The following ICE1 variants were observed in gnomAD, a reference collection of about 807,000 sequenced individuals.
ICE1 encodes little elongation complex subunit 1.
Under a neutral mutation model 192.7 loss-of-function variants are expected in ICE1, and 64 were observed. That is an observed-to-expected ratio of 0.33 (90% CI 0.27 to 0.41). ICE1 has a LOEUF of 0.41. ICE1 is among the 10% of genes least tolerant of loss of function. ICE1 has a pLI of 1.00. For synonymous variants in ICE1, 1,010 were observed against 984.5 expected, an observed-to-expected ratio of 1.03 and a Z score of -0.49; for missense variants, 2,708 against 2,696.0, an observed-to-expected ratio of 1.00 and a Z score of -0.10.
At chr5:5,456,966 G>A (rs945490402) in intron 11 of ICE1, among the ~76,000 whole-genome samples, 1 of 152,074 alleles carries the variant, frequency 6.6e-6, no homozygotes, top group African/African-American at 2.4e-5. Flanking sequence ...CAACCTATAG[G>A]CACAAAGTTG....
intron 17 of ICE1, among the ~76,000 whole-genome samples, chr5:5,481,999 G>A (rs544592200): frequency 8.5e-5 from 13 of 152,136 alleles, no homozygotes; most frequent in Non-Finnish European, 1.8e-4. Flanking sequence ...CTGACTAAGC[G>A]ACCTGTGACT....
intron 17 of ICE1, among the ~76,000 whole-genome samples, chr5:5,484,015 TG>T (rs1442725890): frequency 1.3e-5 from 2 of 152,214 alleles, no homozygotes; most frequent in Non-Finnish European, 2.9e-5. Context: ...TCAGCTCTGC[TG>T]GGGCTCCCTT....
chr5:5,422,878 C>T lies in ICE1; in HGVS notation c.-38C>T, dbSNP rs1579528140. 4 of 1,329,530 alleles carry T rather than the reference C, an allele frequency of 3.0e-6. No individual in the cohort carries two copies. The highest frequency in any genetic ancestry group is 3.8e-6 in the Non-Finnish European group (4 of 1,040,920). The allele number at this position is 1,329,530 out of a possible 1,614,324, so 82.4% of individuals were successfully genotyped here. The stretch of plus-strand genomic sequence containing the variant: ...AGGACGGGGCCGACGCCGCGGGCCC[C>T]TGAGGCGTGCGTGCCCACCGGGCCC... On this transcript the variant is annotated 5_prime_UTR_variant, in exon 1 of 19. Transcript: ENST00000296564.
intron 1 of ICE1, among the ~76,000 whole-genome samples, chr5:5,427,541 T>C (rs559715489): frequency 2.6e-5 from 4 of 152,316 alleles, no homozygotes; most frequent in Admixed American, 6.5e-5. Flanking sequence ...GTATCTAGAT[T>C]AGATTCAGTG....
intron 17 of ICE1, 23 bp downstream of exon 17, chr5:5,476,102 G>A (rs773715968): frequency 2.9e-6 from 4 of 1,400,446 alleles, no homozygotes; most frequent in Non-Finnish European, 3.9e-6. Flanking sequence ...TTTTATTATT[G>A]TTTTTTTCTT....
At chr5:5,451,383 T>TG (rs1554014301) in intron 10 of ICE1, among the ~76,000 whole-genome samples, 3 of 152,106 alleles carry the variant, frequency 2.0e-5, no homozygotes, top group African/African-American at 7.2e-5. Context: ...AATGCAAACT[T>TG]AATGAAATAG....
chr5:5,469,482 A>G (rs1419931216), intron 15 of ICE1, among the ~76,000 whole-genome samples: 4 of 152,194 alleles, frequency 2.6e-5, no homozygotes, highest in Admixed American at 6.5e-5. Flanking sequence ...GTAAGTGTCT[A>G]GATGGGTGTT....
chr5:5,474,043 T>C (rs1304447428), intron 16 of ICE1, among the ~76,000 whole-genome samples: 1 of 151,982 alleles, frequency 6.6e-6, no homozygotes, highest in Non-Finnish European at 1.5e-5. Flanking sequence ...ACCCCGTCTC[T>C]ACTAAAAATA....
chr5:5,437,796 T>C (rs1737916199), intron 3 of ICE1: 2 of 152,242 alleles, frequency 1.3e-5, no homozygotes, highest in African/African-American at 4.8e-5. Flanking sequence ...CTGTAAAAAC[T>C]TAAAGTTTCT....
At chr5:5,450,474 A>G (rs1273272875) in intron 10 of ICE1, among the ~76,000 whole-genome samples, 1 of 152,166 alleles carries the variant, frequency 6.6e-6, no homozygotes, top group Non-Finnish European at 1.5e-5. Context: ...AGGACTTCTC[A>G]GAGGGGAGAA....
intron 15 of ICE1, among the ~76,000 whole-genome samples, chr5:5,473,089 C>T (rs1739211123): frequency 6.6e-6 from 1 of 152,168 alleles, no homozygotes; most frequent in African/African-American, 2.4e-5. Flanking sequence ...AATATCATAA[C>T]ACATTATACA....
intron 1 of ICE1, among the ~76,000 whole-genome samples, chr5:5,423,396 C>A (rs556465110): frequency 2.0e-4 from 30 of 151,940 alleles, no homozygotes; most frequent in Admixed American, 3.3e-4. Context: ...CTGGCCCATC[C>A]TGAGTATTTG....
rs754340324 is a variant in ICE1 at position 5,436,463 on chromosome 5, A to G, written c.130A>G (p.Ile44Val). The G allele has an allele frequency of 1.3e-6, 2 of 1,486,130 alleles. No homozygotes were observed. The highest frequency in any genetic ancestry group is 1.8e-6 in the Non-Finnish European group (2 of 1,112,574). 92.1% of individuals were successfully genotyped at this position (1,486,130 alleles called of 1,614,324 possible). The change falls in exon 2 of 19, where the codon ATT (isoleucine) becomes GTT (valine). Residue 44 changes from isoleucine to valine, a missense_variant. Physicochemically the swap from Ile to Val is conservative, Grantham distance 29. This residue lies in a region of ICE1 where 2,366 missense variants were observed against 2,276.6 expected (regional missense o/e 1.04). Transcript: ENST00000296564. ...VEALITLKQK[I>V]INTDNLLTEY... is the part of the protein sequence containing the mutation. ...AGCATTAATTACCTTGAAACAAAAA[A>G]TTATCAATACAGAGTAAGTATATTT...
chr5:5,442,127 T>C (rs1738070014), intron 5 of ICE1, among the ~76,000 whole-genome samples: 1 of 152,352 alleles, frequency 6.6e-6, no homozygotes, highest in East Asian at 1.9e-4. Context: ...CCCTTTTCTA[T>C]GTAAATTGTT....
At position 5,454,558 on chromosome 5, in the gene ICE1, T is replaced by C; in HGVS notation, c.611T>C (p.Val204Ala). 1 of 1,612,896 alleles carries C rather than the reference T, an allele frequency of 6.2e-7. No homozygotes were observed. The highest frequency in any genetic ancestry group is 8.5e-7 in the Non-Finnish European group (1 of 1,179,234). Residue 204 changes from valine (V) to alanine (A), a missense_variant, in exon 11 of 19, where the codon GTG becomes GCG. Val to Ala is a moderately conservative substitution (Grantham distance 64). Coordinates refer to ENST00000296564, the MANE Select transcript of ICE1 (RefSeq NM_015325.3). ...DSYGSIDKRKVKLLLKELWLC... is the reference protein window; with the variant it reads ...DSYGSIDKRKAKLLLKELWLC... ...GCTTTGCTCTGTTTCACAGGAAAAG[T>C]GAAACTGCTTCTGAAGGAACTCTGG...
intron 7 of ICE1, among the ~76,000 whole-genome samples, chr5:5,445,862 GTGTCA>G (rs1253015165): frequency 6.6e-6 from 1 of 151,014 alleles, no homozygotes; most frequent in Non-Finnish European, 1.5e-5. Context: ...CTGGGCCTAT[GTGTCA>G]TGTGCCACCA....
chr5:5,457,212 C>T (rs1195013973), intron 11 of ICE1, 120 bp from the exon 12 acceptor site: 21 of 970,204 alleles, frequency 2.2e-5, no homozygotes, highest in Middle Eastern at 6.7e-4. Flanking sequence ...TAAAAAATTA[C>T]TTGGACTTAA....
chr5:5,479,408 A>T (rs1243224952), intron 17 of ICE1, among the ~76,000 whole-genome samples: 1 of 152,214 alleles, frequency 6.6e-6, no homozygotes, highest in Non-Finnish European at 1.5e-5. Context: ...ATCTCACACT[A>T]GTTAGGATGG....
chr5:5,460,660 C>T lies in ICE1; in HGVS notation c.1326C>T (p.Leu442=), dbSNP rs752109127. The change falls in exon 13 of 19, where the codon CTC becomes CTT. Residue 442 remains leucine, a synonymous_variant. Transcript: ENST00000296564. ...TAAATAAAGTGACAACTTCTGGACTCGAGACTTTCACAGCAACACTGAGAG... is the reference window on the plus strand; with the variant it reads ...TAAATAAAGTGACAACTTCTGGACTTGAGACTTTCACAGCAACACTGAGAG... ...WEVNKVTTSG[L]ETFTATLRES... 5.1e-5 allele frequency: 83 copies of T among 1,613,786 alleles called. No individual in the cohort carries two copies. Among genetic ancestry groups the T allele is most frequent in the Admixed American group, 8.3e-5 (5 of 59,994 alleles).
Sources: gnomAD v4.1 joint callset for allele counts (sites outside exome capture counted in the v4.1 genomes callset) on GRCh38, gnomAD v4.1.1 for gene constraint, gnomAD v4.1.1 regional missense constraint, MANE v1.5 for transcripts, NCBI Gene and HGNC (gene_info 2026-07-23, HGNC 2026-07-21) for gene names.